Variants in PTPRD observed in about 807,000 individuals in gnomAD.
PTPRD encodes protein tyrosine phosphatase receptor type D, also known as receptor-type tyrosine-protein phosphatase delta.
In PTPRD, 34 loss-of-function variants were observed where a neutral mutation model predicts 214.5. That is an observed-to-expected ratio of 0.16 (90% CI 0.12 to 0.21). PTPRD has a LOEUF of 0.21. Among genes scored for constraint, PTPRD ranks in the 10% least tolerant of loss-of-function variants. The pLI is 1.00. For synonymous variants in PTPRD, 1,128 were observed against 845.7 expected (o/e 1.33, Z -5.79); for missense variants, 2,545 against 2,398.7 (o/e 1.06, Z -1.27).
At chr9:9,542,569 A>G (rs1255017781) in intron 8 of PTPRD, among the ~76,000 whole-genome samples, 3 of 151,788 alleles carry the variant, frequency 2.0e-5, no homozygotes, top group Non-Finnish European at 4.4e-5. Context: ...ATTTATATCT[A>G]ACATAGGTCT....
chr9:10,146,777 A>G (rs1291471592), intron 3 of PTPRD, among the ~76,000 whole-genome samples: 1 of 142,730 alleles, frequency 7.0e-6, no homozygotes, highest in Non-Finnish European at 1.5e-5. Flanking sequence ...TGGGAGAAGA[A>G]AAAAAAGAGG....
chr9:8,722,922 G>C (rs952579691), intron 12 of PTPRD, among the ~76,000 whole-genome samples: 4 of 152,182 alleles, frequency 2.6e-5, no homozygotes, highest in East Asian at 3.8e-4. Flanking sequence ...TTTCAGTTAA[G>C]CTGTTTAGAC....
intron 3 of PTPRD, among the ~76,000 whole-genome samples, chr9:10,113,079 TA>T (rs1156972302): frequency 1.3e-5 from 2 of 152,184 alleles, no homozygotes; most frequent in Non-Finnish European, 2.9e-5. Context: ...AAAGTTCCTT[TA>T]GTCTCAGCAC....
At chr9:10,329,190 T>C (rs1490005238) in intron 3 of PTPRD, among the ~76,000 whole-genome samples, 1 of 151,748 alleles carries the variant, frequency 6.6e-6, no homozygotes, top group African/African-American at 2.4e-5. Flanking sequence ...AATGATAAGG[T>C]CTTAACTTAT....
chr9:8,877,465 A>G (rs2098404200), intron 11 of PTPRD, among the ~76,000 whole-genome samples: 1 of 152,220 alleles, frequency 6.6e-6, no homozygotes, highest in Admixed American at 6.5e-5. Flanking sequence ...CATACCGTGA[A>G]GGAATTCAGA....
At chr9:9,037,623 C>A (rs1447861379) in intron 10 of PTPRD, among the ~76,000 whole-genome samples, 2 of 152,122 alleles carry the variant, frequency 1.3e-5, no homozygotes, top group Admixed American at 6.6e-5. Flanking sequence ...TAACTAAGGG[C>A]TTAAGGTAAA....
intron 3 of PTPRD, among the ~76,000 whole-genome samples, chr9:10,270,883 T>G (rs1321263929): frequency 6.6e-6 from 1 of 152,160 alleles, no homozygotes; most frequent in Non-Finnish European, 1.5e-5. Context: ...TAGTCTGGAG[T>G]GCAGTGGTGC....
intron 8 of PTPRD, among the ~76,000 whole-genome samples, chr9:9,555,249 T>C (rs980081283): frequency 1.3e-4 from 20 of 152,176 alleles, no homozygotes; most frequent in African/African-American, 4.8e-4. Flanking sequence ...TAATAAAATA[T>C]CTTATTAGGG....
intron 3 of PTPRD, among the ~76,000 whole-genome samples, chr9:10,311,421 C>T (rs763057929): frequency 4.6e-5 from 7 of 151,978 alleles, no homozygotes; most frequent in South Asian, 4.1e-4. Flanking sequence ...GTTTTGGCTT[C>T]GCTACTCATT....
At chr9:9,434,866 T>C (rs1235674736) in intron 8 of PTPRD, among the ~76,000 whole-genome samples, 1 of 148,494 alleles carries the variant, frequency 6.7e-6, no homozygotes, top group Admixed American at 6.8e-5. Flanking sequence ...ATATAATCTA[T>C]AATATATATT....
chr9:8,492,740 G>A, intron 27 of PTPRD, 122 bp downstream of exon 27: 1 of 550,078 alleles, frequency 1.8e-6, no homozygotes, highest in Non-Finnish European at 2.9e-6. Context: ...AAACACAAAA[G>A]TTGACCATAG....
intron 11 of PTPRD, among the ~76,000 whole-genome samples, chr9:8,942,371 G>C (rs922607229): frequency 1.3e-5 from 2 of 152,154 alleles, no homozygotes; most frequent in Non-Finnish European, 2.9e-5. Flanking sequence ...CGTTTTACGT[G>C]ATGAGGTGTA....
At chr9:8,599,720 G>C (rs964597603) in intron 14 of PTPRD, among the ~76,000 whole-genome samples, 2 of 149,442 alleles carry the variant, frequency 1.3e-5, no homozygotes, top group African/African-American at 4.9e-5. Context: ...GGGTTGAAGC[G>C]ATTCTCCTGC....
intron 5 of PTPRD, among the ~76,000 whole-genome samples, chr9:9,853,429 T>A (rs1389494348): frequency 6.6e-6 from 1 of 152,240 alleles, no homozygotes; most frequent in Admixed American, 6.5e-5. Flanking sequence ...TGGACCTGAT[T>A]TGACTCACAG....
chr9:9,651,181 T>A (rs1241739228), intron 7 of PTPRD, among the ~76,000 whole-genome samples: 2 of 152,200 alleles, frequency 1.3e-5, no homozygotes, highest in Non-Finnish European at 2.9e-5. Context: ...TTTCTATGAA[T>A]AAACCTAGAA....
intron 2 of PTPRD, among the ~76,000 whole-genome samples, chr9:10,353,026 T>C (rs1310515214): frequency 6.6e-6 from 1 of 151,954 alleles, no homozygotes; most frequent in African/African-American, 2.4e-5. Flanking sequence ...TGAGGCAAGG[T>C]ATATATGGTA....
intron 3 of PTPRD, among the ~76,000 whole-genome samples, chr9:10,039,654 G>C (rs2097259075): frequency 6.6e-6 from 1 of 151,758 alleles, no homozygotes; most frequent in African/African-American, 2.4e-5. Context: ...ACTAAGTATG[G>C]CCCTCAGTTT....
intron 38 of PTPRD, among the ~76,000 whole-genome samples, 170 bp downstream of exon 38, chr9:8,376,437 G>A (rs1414636730): frequency 2.6e-5 from 4 of 151,878 alleles, no homozygotes; most frequent in Non-Finnish European, 4.4e-5. Context: ...CTGATAAATC[G>A]CCAGACAAGA....
intron 26 of PTPRD, among the ~76,000 whole-genome samples, chr9:8,495,411 C>T (rs1386071443): frequency 6.6e-6 from 1 of 152,160 alleles, no homozygotes; most frequent in Non-Finnish European, 1.5e-5. Flanking sequence ...GCATTTTTAT[C>T]ACTTCATGAC....
Sources: allele counts gnomAD v4.1 joint callset (sites outside exome capture counted in the v4.1 genomes callset), GRCh38; gene constraint gnomAD v4.1.1; transcripts MANE v1.5; gene names NCBI Gene and HGNC (gene_info 2026-07-23, HGNC 2026-07-21).